Variants in GABRR3 observed in about 807,000 individuals in gnomAD.
GABRR3 encodes gamma-aminobutyric acid type A receptor subunit rho3, also known as gamma-aminobutyric acid receptor subunit rho-3.
In GABRR3, 29 loss-of-function variants were observed where a neutral mutation model predicts 43.2. That is an observed-to-expected ratio of 0.67 (90% CI 0.50 to 0.92). The LOEUF is 0.92. Among genes scored for constraint, GABRR3 ranks in the 40% least tolerant of loss-of-function variants. GABRR3 has a pLI of 0.00. For synonymous variants in GABRR3, 206 were observed against 195.9 expected (o/e 1.05, Z -0.43); for missense variants, 576 against 572.3 (o/e 1.01, Z -0.07).
chr3:98,014,596 G>A (rs1212450396), intron 4 of GABRR3, among the ~76,000 whole-genome samples: 1 of 152,130 alleles, frequency 6.6e-6, no homozygotes, highest in Non-Finnish European at 1.5e-5. Context: ...ACATTGAGCT[G>A]AAATAAATAT....
intron 9 of GABRR3, among the ~76,000 whole-genome samples, chr3:97,988,622 G>T (rs1163737125): frequency 6.7e-6 from 1 of 150,074 alleles, no homozygotes; most frequent in African/African-American, 2.5e-5. Context: ...GGTGGTGGTG[G>T]TGGTGAATGG....
chr3:97,989,045 G>A (rs1576033716), intron 9 of GABRR3, among the ~76,000 whole-genome samples: 2 of 151,946 alleles, frequency 1.3e-5, no homozygotes, highest in Middle Eastern at 3.4e-3. Context: ...GGTGGTGGGT[G>A]GTGAGTGGTG....
exon 1 of GABRR3, chr3:98,035,286 T>C (rs1707138088): frequency 2.9e-6 from 1 of 349,672 alleles, no homozygotes; most frequent in South Asian, 3.6e-5. Context: ...TTTAGTGTGA[T>C]GCTCAATCCA....
intron 7 of GABRR3, 200 bp downstream of exon 7, chr3:98,007,564 A>C (rs529648951): frequency 6.4e-6 from 1 of 155,616 alleles, no homozygotes; most frequent in Admixed American, 6.5e-5. Flanking sequence ...GAAGCAAGGC[A>C]TCTAGTTAGA....
At chr3:98,009,157 A>C in intron 5 of GABRR3, 119 bp from the exon 6 acceptor site, 2 of 629,982 alleles carry the variant, frequency 3.2e-6, no homozygotes, top group Middle Eastern at 2.6e-4. Context: ...AGAATAATGC[A>C]AAACAGGCAG....
rs557703990 is a variant in GABRR3, at chr3:98,007,804, G to A, written c.714C>T (p.Asp238=). 8 of 1,613,416 alleles carry A rather than the reference G, an allele frequency of 5.0e-6. No individual in the cohort carries two copies. In the African/African-American group the frequency reaches 6.7e-5, roughly 13 times the overall value. The change falls in exon 7 of 10, where the codon GAC becomes GAT. Residue 238 remains aspartate (D), a synonymous_variant. Transcript: ENST00000621172. ...AAGCTAATCCACTAGATGCACTGAAGTCTTCAATGAAGAACTGAGAAAGGG... is the reference window on the plus strand; with the variant it reads ...AAGCTAATCCACTAGATGCACTGAAATCTTCAATGAAGAACTGAGAAAGGG...
At chr3:98,003,421 T>TC (rs1293516989) in intron 7 of GABRR3, among the ~76,000 whole-genome samples, 1 of 151,480 alleles carries the variant, frequency 6.6e-6, no homozygotes, top group East Asian at 1.9e-4. Context: ...TTGTCCTTTT[T>TC]TTTTTTTTTT....
At chr3:98,005,490 C>T (rs902688629) in intron 7 of GABRR3, among the ~76,000 whole-genome samples, 4 of 151,916 alleles carry the variant, frequency 2.6e-5, no homozygotes, top group African/African-American at 7.3e-5. Context: ...TACCTTTGAA[C>T]GTTAAAGATT....
intron 3 of GABRR3, among the ~76,000 whole-genome samples, chr3:98,020,870 C>CTTTTTTTTTTTTTTTTTTTTTTTTT (rs59070712): frequency 8.5e-6 from 1 of 117,448 alleles, no homozygotes; most frequent in Non-Finnish European, 1.7e-5. Flanking sequence ...TTTTCTTTTT[C>CTTTTTTTTTTTTTTTTTTTTTTTTT]TTTTTTTTTT....
chr3:98,010,645 C>T (rs1706778188), intron 5 of GABRR3, among the ~76,000 whole-genome samples: 1 of 152,206 alleles, frequency 6.6e-6, no homozygotes, highest in Non-Finnish European at 1.5e-5. Flanking sequence ...CTGGAATGTG[C>T]AGGGTAAGAA....
intron 5 of GABRR3, among the ~76,000 whole-genome samples, chr3:98,011,104 C>T (rs1311687464): frequency 6.6e-6 from 1 of 152,038 alleles, no homozygotes; most frequent in Non-Finnish European, 1.5e-5. Context: ...TGTTCCTCCC[C>T]CAACCCCCCC....
intron 7 of GABRR3, 134 bp downstream of exon 7, chr3:98,007,630 G>T: frequency 1.1e-6 from 1 of 921,866 alleles, no homozygotes; most frequent in Non-Finnish European, 1.7e-6. Context: ...CTTGCTCCCT[G>T]TAAAAGGAGA....
At chr3:98,013,457 A>T (rs1033076456) in intron 4 of GABRR3, among the ~76,000 whole-genome samples, 21 of 152,338 alleles carry the variant, frequency 1.4e-4, no homozygotes, top group African/African-American at 4.8e-4. Flanking sequence ...TTGGACAATT[A>T]CAATTTCTTA....
intron 9 of GABRR3, among the ~76,000 whole-genome samples, chr3:97,989,274 T>C (rs1706431491): frequency 7.1e-6 from 1 of 139,992 alleles, no homozygotes; most frequent in Non-Finnish European, 1.5e-5. Context: ...GTGGTGGGGA[T>C]GGTGGTGGTG....
rs1576035862 is a variant in GABRR3, at chr3:97,993,538, A to G, written c.908-490T>C. On this transcript the variant is annotated intron_variant, in intron 8 of 9. Transcript: ENST00000621172. ...ATCTTTAGTAGCATTCAAGATTGCT[A>G]TTCTCTATATTATCCTTTCACAGAA... Among the ~76,000 whole-genome samples, 5 of 152,084 alleles carry G rather than the reference A, an allele frequency of 3.3e-5. No individual in the cohort carries two copies. In the South Asian group the frequency reaches 8.3e-4, roughly 25 times the overall value.
chr3:97,989,144 T>C (rs1026226050), intron 9 of GABRR3, among the ~76,000 whole-genome samples: 1 of 149,092 alleles, frequency 6.7e-6, no homozygotes, highest in Non-Finnish European at 1.5e-5. Flanking sequence ...TGGTGGGTGA[T>C]AGTAGGATGT....
intron 3 of GABRR3, among the ~76,000 whole-genome samples, chr3:98,022,193 A>G (rs1559780514): frequency 6.6e-6 from 1 of 152,230 alleles, no homozygotes; most frequent in Admixed American, 6.5e-5. Context: ...AACTAAAACA[A>G]AAAAGCCCTT....
At chr3:98,015,101 T>C (rs1203476668) in intron 4 of GABRR3, among the ~76,000 whole-genome samples, 1 of 152,178 alleles carries the variant, frequency 6.6e-6, no homozygotes, top group Non-Finnish European at 1.5e-5. Context: ...GGCCATCAAA[T>C]GAGTGGATTG....
rs145833736 is a variant in GABRR3, at chr3:97,987,302, T to C, written c.1105-320A>G. Among the ~76,000 whole-genome samples the C allele has an allele frequency of 4.5e-4, 69 of 152,318 alleles. 1 individual carries two copies. Among genetic ancestry groups the C allele is most frequent in the African/African-American group, 1.7e-3 (69 of 41,578 alleles). ...TCCCATTTTTGCTTCAGAGCACCTA[T>C]AAATGATCCTAACATGGCCCAATTA... is the stretch of plus-strand genomic sequence containing the variant. On this transcript the variant is annotated intron_variant, in intron 9 of 9. Coordinates refer to ENST00000621172, the Ensembl canonical transcript of GABRR3.
Sources: allele counts gnomAD v4.1 joint callset (sites outside exome capture counted in the v4.1 genomes callset), GRCh38; gene constraint gnomAD v4.1.1; transcripts MANE v1.5; gene names NCBI Gene and HGNC (gene_info 2026-07-23, HGNC 2026-07-21).